HTN3: variants seen among roughly 807,000 people sequenced by gnomAD.
HTN3 encodes the protein histatin-3.
A neutral mutation model predicts 10.6 loss-of-function variants in HTN3; 15 were observed. That is an observed-to-expected ratio of 1.42 (90% CI 0.95 to 2.18). The LOEUF (loss-of-function observed/expected upper bound fraction) is 2.18, where lower values mean the gene tolerates loss of function less well. HTN3 is among the 30% of genes most tolerant of loss of function. The pLI, the probability that HTN3 is intolerant of heterozygous loss-of-function variation, is 0.00. For synonymous variants in HTN3, 15 were observed against 16.9 expected (o/e 0.89, Z 0.27); for missense variants, 68 against 58.0 (o/e 1.17, Z -0.56).
chr4:70,031,853 C>A, intron 2 of HTN3, 126 bp from the exon 3 acceptor site: 1 of 664,162 alleles, frequency 1.5e-6, no homozygotes. Flanking sequence ...ACTAATTTAG[C>A]ATGTCATCAT....
At chr4:70,029,157 TTATC>T (rs1157862249) in intron 1 of HTN3, among the ~76,000 whole-genome samples, 1 of 152,076 alleles carries the variant, frequency 6.6e-6, no homozygotes, top group East Asian at 1.9e-4. Context: ...TATACATTGA[TTATC>T]TATGTTCATT....
chr4:70,028,566 T>C (rs1163945791), intron 1 of HTN3, 50 bp downstream of exon 1: 1 of 152,164 alleles, frequency 6.6e-6, no homozygotes, highest in African/African-American at 2.4e-5. Context: ...TAAGCTTTTG[T>C]TTGCTAAAAT....
intron 1 of HTN3, among the ~76,000 whole-genome samples, chr4:70,029,759 C>G (rs1419196257): frequency 6.1e-5 from 9 of 148,600 alleles, no homozygotes; most frequent in Admixed American, 6.0e-4. Flanking sequence ...AAAAACATAT[C>G]AGAGTCCCAG....
chr4:70,032,117 C>G lies in HTN3; in HGVS notation c.102+10C>G, dbSNP rs879028867. 6.7e-7 allele frequency: 1 copy of G among 1,484,196 alleles called. No individual in the cohort carries two copies. Among genetic ancestry groups the G allele is most frequent in the Non-Finnish European group, 9.3e-7 (1 of 1,070,060 alleles). The allele number at this position is 1,484,196 out of a possible 1,614,324, so 91.9% of individuals were successfully genotyped here. On this transcript the variant is annotated intron_variant, in intron 4 of 5. Coordinates refer to ENST00000673563, the MANE Select transcript of HTN3 (RefSeq NM_000200.3). ...TAAAAGAAAATTCCATGTAAGTGTT[C>G]TTCTGATAATGTGCACTCTGAATAA... is the stretch of plus-strand genomic sequence containing the variant.
intron 5 of HTN3, among the ~76,000 whole-genome samples, chr4:70,035,754 A>G (rs1424348077): frequency 6.6e-6 from 1 of 152,204 alleles, no homozygotes; most frequent in Non-Finnish European, 1.5e-5. Flanking sequence ...ATAAAGTAAT[A>G]TTTTGGAGAT....
chr4:70,035,470 T>C (rs748613522), intron 5 of HTN3, among the ~76,000 whole-genome samples: 9 of 152,152 alleles, frequency 5.9e-5, no homozygotes, highest in African/African-American at 9.7e-5. Flanking sequence ...CTGTACCTGG[T>C]TGTTATTTGA....
At chr4:70,033,094 GT>G in intron 4 of HTN3, 72 bp from the exon 5 acceptor site, 1 of 1,072,606 alleles carries the variant, frequency 9.3e-7, no homozygotes. Flanking sequence ...TTCAGTGACA[GT>G]TTTTGTGAAG....
At chr4:70,032,378 C>T (rs1189311098) in intron 4 of HTN3, among the ~76,000 whole-genome samples, 1 of 151,924 alleles carries the variant, frequency 6.6e-6, no homozygotes, top group Non-Finnish European at 1.5e-5. Flanking sequence ...TAAATAATTA[C>T]ATTGACCTAA....
At chr4:70,031,072 C>T in intron 2 of HTN3, 1 of 273,738 alleles carries the variant, frequency 3.7e-6, no homozygotes, top group Non-Finnish European at 6.8e-6. Context: ...GTGAAAATAT[C>T]TTTAAATATT....
chr4:70,035,534 G>T (rs1725491833), intron 5 of HTN3, among the ~76,000 whole-genome samples: 1 of 152,090 alleles, frequency 6.6e-6, no homozygotes, highest in Non-Finnish European at 1.5e-5. Flanking sequence ...CGCCATCTGG[G>T]AACTCATGAG....
chr4:70,029,356 A>T (rs1012795501), intron 1 of HTN3, among the ~76,000 whole-genome samples: 1 of 152,042 alleles, frequency 6.6e-6, no homozygotes, highest in Admixed American at 6.6e-5. Context: ...TTTTATAGTT[A>T]GTCCTATACA....
intron 1 of HTN3, among the ~76,000 whole-genome samples, chr4:70,029,922 T>C (rs2109706252): frequency 6.6e-6 from 1 of 152,340 alleles, no homozygotes; most frequent in African/African-American, 2.4e-5. Context: ...TTGCACCATC[T>C]GTGCTATTCT....
At chr4:70,032,183 AGTT>A (rs1725398041) in intron 4 of HTN3, 76 bp downstream of exon 4, 2 of 922,438 alleles carry the variant, frequency 2.2e-6, no homozygotes, top group Non-Finnish European at 3.4e-6. Flanking sequence ...AATAATTGAT[AGTT>A]ATCTCTCAAA....
At chr4:70,030,850 C>A in intron 2 of HTN3, 59 bp downstream of exon 2, 2 of 1,278,496 alleles carry the variant, frequency 1.6e-6, no homozygotes, top group Non-Finnish European at 2.3e-6. Flanking sequence ...AAGGATCTTT[C>A]TTATTCCTTA....
At position 70,035,938 on chromosome 4, in the gene HTN3, G is replaced by A. The variant is rs146911854; in HGVS notation, c.*34-329G>A. ...TTGCTGATGACATTTAATCAGGGGAGGATATAGGTAAAATATTATTTGAGG... is the reference window on the plus strand; with the variant it reads ...TTGCTGATGACATTTAATCAGGGGAAGATATAGGTAAAATATTATTTGAGG... On this transcript the variant is annotated intron_variant, in intron 5 of 5. Coordinates refer to ENST00000673563, the MANE Select transcript of HTN3 (RefSeq NM_000200.3). Among the ~76,000 whole-genome samples the A allele has an allele frequency of 3.7e-3, 556 of 152,172 alleles. 4 individuals are homozygous for A. Among genetic ancestry groups the A allele is most frequent in the African/African-American group, 0.013 (521 of 41,520 alleles).
intron 5 of HTN3, among the ~76,000 whole-genome samples, chr4:70,035,478 T>C (rs1388530124): frequency 6.6e-6 from 1 of 152,200 alleles, no homozygotes; most frequent in African/African-American, 2.4e-5. Flanking sequence ...GGTTGTTATT[T>C]GAAGTTTTCT....
intron 5 of HTN3, chr4:70,033,907 T>C (rs1358874333): frequency 1.3e-5 from 2 of 151,926 alleles, no homozygotes; most frequent in African/African-American, 4.8e-5. Flanking sequence ...TGCAGGTCTC[T>C]GCTTGCTATC....
At chr4:70,031,051 G>A (rs1725372696) in intron 2 of HTN3, 2 of 309,098 alleles carry the variant, frequency 6.5e-6, no homozygotes, top group Non-Finnish European at 5.9e-6. Flanking sequence ...AAATATGTGG[G>A]ACTGAGAACT....
chr4:70,034,624 C>T (rs1553893027), intron 5 of HTN3, among the ~76,000 whole-genome samples: 1 of 152,140 alleles, frequency 6.6e-6, no homozygotes, highest in African/African-American at 2.4e-5. Flanking sequence ...ATTAGTTCAA[C>T]CATTGTGGAA....
Sources: gnomAD v4.1 joint callset for allele counts (sites outside exome capture counted in the v4.1 genomes callset) on GRCh38, gnomAD v4.1.1 for gene constraint, MANE v1.5 for transcripts, NCBI Gene and HGNC (gene_info 2026-07-23, HGNC 2026-07-21) for gene names.